Variants in DMD observed in about 807,000 individuals in gnomAD.
DMD encodes the protein dystrophin, also known as mutant dystrophin.
In DMD, 63 loss-of-function variants were observed where a neutral mutation model predicts 330.1. The observed-to-expected ratio is 0.19, with a 90% CI of 0.16 to 0.24. The LOEUF is 0.24. Among genes scored for constraint, DMD ranks in the 10% least tolerant of loss-of-function variants. The pLI is 1.00. For synonymous variants in DMD, 1,223 were observed against 959.8 expected (o/e 1.27, Z -5.07); for missense variants, 3,344 against 2,684.1 (o/e 1.25, Z -5.43).
intron 2 of DMD, among the ~76,000 whole-genome samples, chrX:32,975,319 A>G (rs1344347508): frequency 1.5e-5 from 1 of 66,156 alleles, no homozygotes; most frequent in Non-Finnish European, 2.8e-5. Context: ...TTCACTCCAC[A>G]TTTTGCTTTT....
At chrX:32,882,289 C>T (rs2084029894) in intron 2 of DMD, among the ~76,000 whole-genome samples, 1 of 111,668 alleles carries the variant, frequency 9.0e-6, no homozygotes, top group Non-Finnish European at 1.9e-5. Flanking sequence ...CTTCCCAGCC[C>T]TAGGAGCGGT....
At chrX:32,780,837 G>A (rs988042932) in intron 7 of DMD, among the ~76,000 whole-genome samples, 1 of 109,732 alleles carries the variant, frequency 9.1e-6, no homozygotes, top group African/African-American at 3.3e-5. Flanking sequence ...TAAAAAACAG[G>A]CACTCGCACT....
intron 44 of DMD, among the ~76,000 whole-genome samples, chrX:32,177,772 A>T (rs752759889): frequency 9.0e-6 from 1 of 111,291 alleles, no homozygotes; most frequent in East Asian, 2.8e-4. Context: ...AATAATACTA[A>T]TTACTGAGGG....
intron 66 of DMD, 32 bp from the exon 67 acceptor site, chrX:31,204,150 A>C (rs1249861509): frequency 8.4e-7 from 1 of 1,186,642 alleles, no homozygotes; most frequent in Non-Finnish European, 1.1e-6. Context: ...GCAACAGTCA[A>C]AACACAGCAC....
chrX:32,752,170 T>A (rs922535796), intron 7 of DMD, among the ~76,000 whole-genome samples: 6 of 111,424 alleles, frequency 5.4e-5, no homozygotes, highest in African/African-American at 2.0e-4. Flanking sequence ...GACCCCAGAA[T>A]GGTAGATCCA....
chrX:32,922,067 C>A (rs1467137330), intron 2 of DMD, among the ~76,000 whole-genome samples: 1 of 110,527 alleles, frequency 9.0e-6, no homozygotes, highest in East Asian at 2.8e-4. Flanking sequence ...AATGCATCAC[C>A]AAGGCTTACA....
intron 52 of DMD, among the ~76,000 whole-genome samples, chrX:31,727,339 T>C (rs887428455): frequency 8.9e-6 from 1 of 111,736 alleles, no homozygotes; most frequent in Non-Finnish European, 1.9e-5. Flanking sequence ...TCCAGTATGG[T>C]GGAGGAATGC....
intron 1 of DMD, among the ~76,000 whole-genome samples, chrX:33,286,962 A>T (rs2053442358): frequency 8.9e-6 from 1 of 111,910 alleles, no homozygotes; most frequent in Non-Finnish European, 1.9e-5. Flanking sequence ...GGTTGAAGAG[A>T]TGCGGGGGAG....
At chrX:31,127,598 T>A (rs1468603891) in intron 77 of DMD, among the ~76,000 whole-genome samples, 2 of 111,217 alleles carry the variant, frequency 1.8e-5, no homozygotes, top group Non-Finnish European at 3.8e-5. Context: ...GGAATTCCAA[T>A]ATTTTGAGCA....
intron 16 of DMD, among the ~76,000 whole-genome samples, chrX:32,550,709 T>C (rs771124819): frequency 9.2e-6 from 1 of 109,122 alleles, no homozygotes; most frequent in Non-Finnish European, 1.9e-5. Context: ...TTCTTTGAAA[T>C]AATTAATAAT....
intron 44 of DMD, among the ~76,000 whole-genome samples, chrX:32,151,592 A>G (rs2096803723): frequency 9.0e-6 from 1 of 111,706 alleles, no homozygotes; most frequent in Non-Finnish European, 1.9e-5. Context: ...AAGGCAGCAG[A>G]ATTTAGCCAC....
At chrX:32,605,055 A>C in intron 12 of DMD, among the ~76,000 whole-genome samples, 1 of 111,145 alleles carries the variant, frequency 9.0e-6, no homozygotes, top group Non-Finnish European at 1.9e-5. Context: ...AAGATAGTAA[A>C]ATACATAGAG....
At chrX:31,712,654 A>C (rs1336694581) in intron 52 of DMD, among the ~76,000 whole-genome samples, 1 of 111,501 alleles carries the variant, frequency 9.0e-6, no homozygotes, top group Non-Finnish European at 1.9e-5. Context: ...GAATCCCTTT[A>C]TAGTCTTCCT....
intron 44 of DMD, among the ~76,000 whole-genome samples, chrX:32,113,220 C>A (rs1044957936): frequency 8.9e-6 from 1 of 112,565 alleles, no homozygotes; most frequent in Non-Finnish European, 1.9e-5. Flanking sequence ...TATCTGTTTT[C>A]AGAAATATTA....
At chrX:32,517,890 A>T in intron 18 of DMD, 118 bp downstream of exon 18, 1 of 832,917 alleles carries the variant, frequency 1.2e-6, no homozygotes, top group Non-Finnish European at 1.8e-6. Context: ...AAGACATATT[A>T]AACAGCATTT....
chrX:31,414,200 A>T (rs1167990525), intron 60 of DMD, among the ~76,000 whole-genome samples: 2 of 110,285 alleles, frequency 1.8e-5, no homozygotes, highest in African/African-American at 6.6e-5. Context: ...TATTCAGTAG[A>T]GACAGGGTTT....
rs187258803 is a variant in DMD, at chrX:31,480,863, T to C, written c.8548-1760A>G. Among the ~76,000 whole-genome samples the C allele has an allele frequency of 5.2e-4, 58 of 111,576 alleles. No homozygotes were observed. The East Asian group carries it at 0.014, about 26-fold the overall frequency. On this transcript the variant is annotated intron_variant, in intron 57 of 78. Transcript: ENST00000357033. ...ATAATAGAAGAGTCAGACACGTAAA[T>C]AATTTCAATACAATGTAGACAGTGC...
At chrX:31,475,156 G>C (rs976484737) in intron 59 of DMD, among the ~76,000 whole-genome samples, 1 of 111,774 alleles carries the variant, frequency 8.9e-6, no homozygotes, top group Non-Finnish European at 1.9e-5. Flanking sequence ...ATATATGTCT[G>C]AGAAAGATAG....
At chrX:31,599,367 A>G (rs1569553720) in intron 55 of DMD, among the ~76,000 whole-genome samples, 1 of 112,295 alleles carries the variant, frequency 8.9e-6, no homozygotes, top group South Asian at 3.7e-4. Context: ...CCAAAGAATT[A>G]GAAGTTCATT....
Sources: allele counts gnomAD v4.1 joint callset (sites outside exome capture counted in the v4.1 genomes callset), GRCh38; gene constraint gnomAD v4.1.1; transcripts MANE v1.5; gene names NCBI Gene and HGNC (gene_info 2026-07-23, HGNC 2026-07-21).